SHLD2: variants seen among roughly 807,000 people sequenced by gnomAD.
SHLD2 encodes RINN1-REV7-interacting novel NHEJ regulator 2.
SHLD2 carries 30 observed loss-of-function variants against 73.2 expected under a neutral mutation model. The observed-to-expected ratio is 0.41, with a 90% CI of 0.31 to 0.56. SHLD2 has a LOEUF of 0.56. SHLD2 is among the 20% of genes least tolerant of loss of function. SHLD2 has a pLI of 0.28. For synonymous variants in SHLD2, 285 were observed against 370.1 expected, an observed-to-expected ratio of 0.77 and a Z score of 2.64; for missense variants, 745 against 1,055.9, an observed-to-expected ratio of 0.71 and a Z score of 4.08.
intron 2 of SHLD2, among the ~76,000 whole-genome samples, chr10:87,112,013 G>A (rs1450648314): frequency 2.0e-5 from 3 of 151,200 alleles, no homozygotes; most frequent in African/African-American, 7.3e-5. Context: ...CAAGGTGGGC[G>A]GATCACGAGG....
chr10:87,170,530 C>T lies in SHLD2; in HGVS notation c.1686C>T (p.Ser562=), dbSNP rs1847524440. The change falls in exon 5 of 10, where the codon TCC becomes TCT. Residue 562 remains serine (S), a synonymous_variant. Coordinates refer to ENST00000298786, the MANE Select transcript of SHLD2 (RefSeq NM_001330112.2). ...TTCAAGACTTACTGGCATATGTGTC[C>T]TCAAAACATTCCTACCTCAGAGATC... ...VVLQDLLAYV[S]SKHSYLRDLP... The T allele has an allele frequency of 1.1e-5, 17 of 1,612,246 alleles. No homozygotes were observed. Among genetic ancestry groups the T allele is most frequent in the Non-Finnish European group, 1.4e-5 (16 of 1,179,350 alleles).
intron 2 of SHLD2, among the ~76,000 whole-genome samples, chr10:87,107,094 CAAAAA>C (rs1554827009): frequency 9.0e-6 from 1 of 110,524 alleles, no homozygotes; most frequent in South Asian, 3.0e-4. Context: ...CAATAATTGG[CAAAAA>C]AAAAAAAAAG....
intron 7 of SHLD2, among the ~76,000 whole-genome samples, chr10:87,179,142 G>A (rs1389289911): frequency 1.3e-5 from 2 of 152,130 alleles, no homozygotes; most frequent in African/African-American, 4.8e-5. Flanking sequence ...AAGTAAATTA[G>A]GAAAAAATAA....
intron 2 of SHLD2, among the ~76,000 whole-genome samples, chr10:87,111,697 T>G (rs991175927): frequency 6.7e-6 from 1 of 149,600 alleles, no homozygotes; most frequent in Non-Finnish European, 1.5e-5. Context: ...AGACTGGTCT[T>G]GAATTCCTGG....
chr10:87,098,485 C>T (rs1374256786), intron 2 of SHLD2, among the ~76,000 whole-genome samples: 1 of 150,278 alleles, frequency 6.7e-6, no homozygotes, highest in Non-Finnish European at 1.5e-5. Flanking sequence ...TGCACTCCAG[C>T]CTGGGTAACA....
rs57840400 is a variant in SHLD2, at chr10:87,173,438, A to T, written c.1964-2451A>T. On this transcript the variant is annotated intron_variant, in intron 6 of 9. Coordinates refer to ENST00000298786, the MANE Select transcript of SHLD2 (RefSeq NM_001330112.2). ...ACTGTTTAAATATTTCACAATAAAT[A>T]TATTTTATTTTATAATTAAAAATAA... is the stretch of plus-strand genomic sequence containing the variant. Among the ~76,000 whole-genome samples the T allele has an allele frequency of 8.6e-5, 12 of 140,054 alleles. No individual in the cohort carries two copies. The East Asian group carries it at 2.4e-3, about 28-fold the overall frequency. 91.9% of individuals were successfully genotyped at this position (140,054 alleles called of 152,430 possible). A position where few individuals can be genotyped will look rare whatever the true frequency, so the allele number is the denominator to read the frequency against.
intron 4 of SHLD2, among the ~76,000 whole-genome samples, chr10:87,168,058 A>G (rs1055290540): frequency 9.2e-5 from 14 of 152,210 alleles, no homozygotes; most frequent in Admixed American, 5.2e-4. Context: ...CCGCTGTTGA[A>G]AACAGTTTGG....
intron 2 of SHLD2, among the ~76,000 whole-genome samples, chr10:87,138,689 C>CA (rs956662230): frequency 6.6e-6 from 1 of 152,200 alleles, no homozygotes. Flanking sequence ...ACTAAAAACA[C>CA]AAACAGGGAT....
intron 2 of SHLD2, among the ~76,000 whole-genome samples, chr10:87,097,818 G>A (rs531870389): frequency 3.3e-5 from 5 of 152,146 alleles, no homozygotes; most frequent in African/African-American, 1.2e-4. Flanking sequence ...GGAGTGCAGT[G>A]GTGCAATCTC....
intron 4 of SHLD2, among the ~76,000 whole-genome samples, chr10:87,163,544 C>T (rs1846973046): frequency 6.6e-6 from 1 of 151,612 alleles, no homozygotes; most frequent in Non-Finnish European, 1.5e-5. Context: ...TGACTGGATT[C>T]TATAAGGCTA....
intron 8 of SHLD2, among the ~76,000 whole-genome samples, 178 bp downstream of exon 8, chr10:87,180,481 A>G (rs1209448677): frequency 6.6e-6 from 1 of 152,190 alleles, no homozygotes; most frequent in African/African-American, 2.4e-5. Context: ...TCGTTATAGG[A>G]ATTTCTTAAA....
chr10:87,099,797 T>G (rs1016741819), intron 2 of SHLD2, among the ~76,000 whole-genome samples: 1 of 152,232 alleles, frequency 6.6e-6, no homozygotes. Context: ...CAACACTTGT[T>G]ATGTGTGTTT....
chr10:87,166,779 A>T, intron 4 of SHLD2, among the ~76,000 whole-genome samples: 1 of 152,240 alleles, frequency 6.6e-6, no homozygotes, highest in East Asian at 1.9e-4. Flanking sequence ...GAAGAAAAGC[A>T]GGGAAGAATA....
At chr10:87,104,145 G>T (rs894129815) in intron 2 of SHLD2, among the ~76,000 whole-genome samples, 1 of 151,568 alleles carries the variant, frequency 6.6e-6, no homozygotes, top group Non-Finnish European at 1.5e-5. Context: ...GCTGAGACAG[G>T]AGACTCGCTT....
At position 87,127,535 on chromosome 10, in the gene SHLD2, C is replaced by CG. The variant is rs1844108518; in HGVS notation, c.-5-23815_-5-23814insG. ...TTTTTTGTCCCTCTTACCCGCCCCC[C>CG]CCCACCCCGTCTGCCACCCCCCGCC... is the stretch of plus-strand genomic sequence containing the variant. On this transcript the variant is annotated intron_variant, in intron 2 of 9. Coordinates refer to ENST00000298786, the MANE Select transcript of SHLD2 (RefSeq NM_001330112.2). Among the ~76,000 whole-genome samples, 2 of 71,434 alleles carry CG rather than the reference C, an allele frequency of 2.8e-5. 1 individual carries two copies. The allele number at this position is 71,434 out of a possible 152,430, so 46.9% of individuals were successfully genotyped here.
chr10:87,163,409 C>T (rs961919068), intron 4 of SHLD2, among the ~76,000 whole-genome samples: 2 of 152,074 alleles, frequency 1.3e-5, no homozygotes, highest in Non-Finnish European at 2.9e-5. Flanking sequence ...GAGGAAGTGA[C>T]ACTAACAAAT....
At chr10:87,130,183 T>C (rs575102474) in intron 2 of SHLD2, among the ~76,000 whole-genome samples, 5 of 152,222 alleles carry the variant, frequency 3.3e-5, no homozygotes, top group South Asian at 2.1e-4. Flanking sequence ...TAGTACCTCA[T>C]TGGTACTTGT....
intron 9 of SHLD2, among the ~76,000 whole-genome samples, chr10:87,190,108 G>A (rs1035856843): frequency 6.6e-6 from 1 of 152,202 alleles, no homozygotes; most frequent in Non-Finnish European, 1.5e-5. Flanking sequence ...GCCCAGGCTG[G>A]AGTGCAGTGG....
intron 2 of SHLD2, among the ~76,000 whole-genome samples, chr10:87,127,956 A>G (rs564987514): frequency 1.3e-5 from 2 of 152,106 alleles, no homozygotes; most frequent in Admixed American, 6.5e-5. Context: ...TTTTTCTTTT[A>G]CAGGGCAATT....
Sources: allele counts gnomAD v4.1 joint callset (sites outside exome capture counted in the v4.1 genomes callset), GRCh38; gene constraint gnomAD v4.1.1; transcripts MANE v1.5; gene names NCBI Gene and HGNC (gene_info 2026-07-23, HGNC 2026-07-21).